COL8A1: variants seen among roughly 807,000 people sequenced by gnomAD.
COL8A1 encodes the protein collagen type VIII alpha 1 chain.
In COL8A1, 21 loss-of-function variants were observed where a neutral mutation model predicts 42.7. That is an observed-to-expected ratio of 0.49 (90% CI 0.35 to 0.71). The LOEUF is 0.71. COL8A1 is among the 30% of genes least tolerant of loss of function. The probability of loss-of-function intolerance (pLI) is 0.01; values close to 1 mark genes in which losing one functional copy is unlikely to be tolerated. For synonymous variants in COL8A1, 367 were observed against 369.1 expected (o/e 0.99, Z 0.06); for missense variants, 788 against 962.4 (o/e 0.82, Z 2.40).
At chr3:99,678,181 T>A (rs1452181854) in intron 1 of COL8A1, 1 of 152,096 alleles carries the variant, frequency 6.6e-6, no homozygotes, top group Non-Finnish European at 1.5e-5. Flanking sequence ...TCTTCCTTGC[T>A]TTTGACCCTT....
intron 1 of COL8A1, among the ~76,000 whole-genome samples, chr3:99,687,687 A>C (rs1461578782): frequency 6.6e-6 from 1 of 152,230 alleles, no homozygotes; most frequent in East Asian, 1.9e-4. Flanking sequence ...CAGGGTTCAA[A>C]CTGAAAAGCA....
At chr3:99,744,032 C>T (rs1940964419) in intron 1 of COL8A1, among the ~76,000 whole-genome samples, 1 of 151,978 alleles carries the variant, frequency 6.6e-6, no homozygotes, top group Non-Finnish European at 1.5e-5. Flanking sequence ...AGGTTCACGC[C>T]ATTCTCCTGC....
At chr3:99,733,310 C>T (rs1405811580) in intron 1 of COL8A1, among the ~76,000 whole-genome samples, 1 of 146,768 alleles carries the variant, frequency 6.8e-6, no homozygotes, top group African/African-American at 2.5e-5. Flanking sequence ...CCCCACACCC[C>T]ACAACAGTCC....
intron 1 of COL8A1, among the ~76,000 whole-genome samples, chr3:99,737,974 T>C (rs1288711175): frequency 2.0e-5 from 3 of 151,986 alleles, no homozygotes; most frequent in Admixed American, 6.6e-5. Flanking sequence ...ATTTCATTCA[T>C]TTCATCTTCC....
chr3:99,788,792 T>C (rs1471548063), intron 2 of COL8A1, among the ~76,000 whole-genome samples: 1 of 152,230 alleles, frequency 6.6e-6, no homozygotes, highest in East Asian at 1.9e-4. Context: ...TTGAAAGGGA[T>C]GTATATGATA....
Position 99,727,985 on chromosome 3 carries a change from C to T in COL8A1, c.-128-16912C>T, listed in dbSNP as rs528647020. The stretch of plus-strand genomic sequence containing the variant: ...CTCAATAAATTAGGTATTGATGGGA[C>T]ATATTTCAAAATAATAAGAGCTATC... On this transcript the variant is annotated intron_variant, in intron 1 of 3. Transcript: ENST00000652472. Among the ~76,000 whole-genome samples the T allele has an allele frequency of 1.5e-3, 231 of 149,160 alleles. 4 individuals carry two copies. Among genetic ancestry groups the T allele is most frequent in the African/African-American group, 5.3e-3 (214 of 40,074 alleles).
At position 99,794,099 on chromosome 3, in the gene COL8A1, C is replaced by T; in HGVS notation, c.329-131C>T. 2 of 591,714 alleles carry T rather than the reference C, an allele frequency of 3.4e-6. No homozygotes were observed. Among genetic ancestry groups the T allele is most frequent in the Non-Finnish European group, 5.8e-6 (2 of 344,128 alleles). The allele number at this position is 591,714 out of a possible 1,614,324, so 36.7% of individuals were successfully genotyped here. A position where few individuals can be genotyped will look rare whatever the true frequency, so the allele number is the denominator to read the frequency against. ...GAGCATATTATTCCTAGTCTTTTCT[C>T]TTGATAAGTATTAGGCAAATGTGTC... On this transcript the variant is annotated intron_variant, in intron 3 of 3. Transcript: ENST00000652472. The surrounding 1 kb of genome is among the most constrained non-coding windows in gnomAD (Gnocchi z 4.3).
chr3:99,724,640 C>T (rs1333165021), intron 1 of COL8A1, among the ~76,000 whole-genome samples: 1 of 152,110 alleles, frequency 6.6e-6, no homozygotes, highest in African/African-American at 2.4e-5. Flanking sequence ...CATCAGTCTT[C>T]CTCACTGACC....
intron 1 of COL8A1, among the ~76,000 whole-genome samples, chr3:99,660,329 A>G (rs889688542): frequency 2.0e-5 from 3 of 152,202 alleles, no homozygotes; most frequent in African/African-American, 7.2e-5. Context: ...ACCTGAAATC[A>G]TGATTATCTT....
chr3:99,703,249 G>C (rs1939589868), intron 1 of COL8A1: 1 of 152,222 alleles, frequency 6.6e-6, no homozygotes, highest in South Asian at 2.1e-4. Flanking sequence ...TGCAGGTGCT[G>C]TATTAACTGA....
chr3:99,681,051 G>A (rs1384526669), intron 1 of COL8A1, among the ~76,000 whole-genome samples: 1 of 152,120 alleles, frequency 6.6e-6, no homozygotes, highest in African/African-American at 2.4e-5. Context: ...AGAAAACCTA[G>A]GCAATACTAT....
At chr3:99,706,683 A>G (rs904679230) in intron 1 of COL8A1, among the ~76,000 whole-genome samples, 80 of 152,382 alleles carry the variant, frequency 5.2e-4, no homozygotes, top group African/African-American at 1.9e-3. Flanking sequence ...CTTAAATGAC[A>G]TCAATTCAGT....
At chr3:99,736,375 G>C (rs1474400164) in intron 1 of COL8A1, among the ~76,000 whole-genome samples, 2 of 152,058 alleles carry the variant, frequency 1.3e-5, no homozygotes. Flanking sequence ...TGGTTTCAAA[G>C]AACATCTTTT....
chr3:99,766,603 T>C (rs1396117564), intron 2 of COL8A1, among the ~76,000 whole-genome samples: 2 of 152,230 alleles, frequency 1.3e-5, no homozygotes, highest in Non-Finnish European at 2.9e-5. Flanking sequence ...AAAATTAATA[T>C]TCACCATAAT....
intron 1 of COL8A1, among the ~76,000 whole-genome samples, chr3:99,742,337 C>T (rs892244779): frequency 3.9e-5 from 6 of 152,092 alleles, no homozygotes; most frequent in Admixed American, 3.9e-4. Context: ...TAGTACTGTG[C>T]CAAATTTCTG....
chr3:99,767,509 T>C (rs1036486471), intron 2 of COL8A1, among the ~76,000 whole-genome samples: 1 of 152,236 alleles, frequency 6.6e-6, no homozygotes, highest in East Asian at 1.9e-4. Context: ...TGGTAACAGC[T>C]GGTGGACCCA....
intron 1 of COL8A1, among the ~76,000 whole-genome samples, chr3:99,686,236 T>A (rs1044470164): frequency 3.3e-5 from 5 of 152,240 alleles, no homozygotes; most frequent in African/African-American, 1.2e-4. Flanking sequence ...CCTGCAGACA[T>A]CTTTTAATAT....
rs1443209593 is a variant in COL8A1 at position 99,794,178 on chromosome 3, T to C, written c.329-52T>C. 1.7e-6 allele frequency: 2 copies of C among 1,156,236 alleles called. No homozygotes were observed. Among genetic ancestry groups the C allele is most frequent in the Non-Finnish European group, 2.4e-6 (2 of 816,372 alleles). 71.6% of individuals were successfully genotyped at this position (1,156,236 alleles called of 1,614,324 possible). A position where few individuals can be genotyped will look rare whatever the true frequency, so the allele number is the denominator to read the frequency against. ...ATTGATGTGAGAGACAATCTACTAA[T>C]CAATCTCTCTCTCTCCCCCCATACC... On this transcript the variant is annotated intron_variant, in intron 3 of 3. Coordinates refer to ENST00000652472, the MANE Select transcript of COL8A1 (RefSeq NM_020351.4). This position sits in a 1 kb window ranked among gnomAD's most constrained non-coding sequence, Gnocchi z 4.3.
chr3:99,711,013 C>T (rs927194740), intron 1 of COL8A1, among the ~76,000 whole-genome samples: 5 of 152,096 alleles, frequency 3.3e-5, no homozygotes, highest in Admixed American at 3.3e-4. Flanking sequence ...TTAATGGGTA[C>T]CAAAAGGCAA....
Sources: allele counts gnomAD v4.1 joint callset (sites outside exome capture counted in the v4.1 genomes callset), GRCh38; gene constraint gnomAD v4.1.1; non-coding constraint Gnocchi (gnomAD v3.1); transcripts MANE v1.5; gene names NCBI Gene and HGNC (gene_info 2026-07-23, HGNC 2026-07-21).